LUZP2: variants seen among roughly 807,000 people sequenced by gnomAD.
LUZP2 encodes the protein leucine zipper protein 2.
Under a neutral mutation model 51.6 loss-of-function variants are expected in LUZP2, and 52 were observed. The observed-to-expected ratio is 1.01, with a 90% confidence interval of 0.81 to 1.27. The LOEUF (loss-of-function observed/expected upper bound fraction) is 1.27, where lower values mean the gene tolerates loss of function less well. Ranked by LOEUF, LUZP2 falls within the 50% of genes most tolerant of loss-of-function variation. The pLI, the probability that LUZP2 is intolerant of heterozygous loss-of-function variation, is 0.00. For missense variants in LUZP2, 436 were observed against 395.4 expected (o/e 1.10, Z -0.87); for synonymous variants, 154 against 137.3 (o/e 1.12, Z -0.85).
At chr11:25,077,813 C>T (rs952914292) in intron 11 of LUZP2, among the ~76,000 whole-genome samples, 1 of 152,056 alleles carries the variant, frequency 6.6e-6, no homozygotes, top group Non-Finnish European at 1.5e-5. Flanking sequence ...TGGTATTTAA[C>T]ACTCTTCTCT....
At chr11:24,839,736 G>A (rs867984181) in intron 5 of LUZP2, among the ~76,000 whole-genome samples, 1 of 151,446 alleles carries the variant, frequency 6.6e-6, no homozygotes, top group East Asian at 1.9e-4. Context: ...GAACACTCTC[G>A]GGGTCCATTT....
chr11:24,882,678 G>A (rs1852510334), intron 5 of LUZP2, among the ~76,000 whole-genome samples: 1 of 151,566 alleles, frequency 6.6e-6, no homozygotes, highest in Non-Finnish European at 1.5e-5. Context: ...TAATAAGCAT[G>A]TACCCTTTCA....
At chr11:24,816,631 G>A (rs894246243) in intron 5 of LUZP2, among the ~76,000 whole-genome samples, 2 of 151,964 alleles carry the variant, frequency 1.3e-5, no homozygotes, top group African/African-American at 4.8e-5. Flanking sequence ...TTGTCATTCA[G>A]TAATCTGATA....
At chr11:24,699,291 C>T (rs961081100) in intron 1 of LUZP2, among the ~76,000 whole-genome samples, 1 of 152,100 alleles carries the variant, frequency 6.6e-6, no homozygotes, top group African/African-American at 2.4e-5. Flanking sequence ...ATCCATGTTG[C>T]TTTGATAGGG....
intron 1 of LUZP2, among the ~76,000 whole-genome samples, chr11:24,672,060 A>G (rs1422055643): frequency 1.3e-5 from 2 of 152,116 alleles, no homozygotes; most frequent in Non-Finnish European, 2.9e-5. Context: ...TGTAACTGAG[A>G]GATGTCTCTC....
chr11:24,889,234 T>A (rs1338147072), intron 5 of LUZP2, among the ~76,000 whole-genome samples: 2 of 152,284 alleles, frequency 1.3e-5, no homozygotes, highest in African/African-American at 4.8e-5. Context: ...GACAAAACTA[T>A]GTGATTATGT....
chr11:24,516,837 G>C (rs1289845894), intron 1 of LUZP2, among the ~76,000 whole-genome samples: 1 of 152,146 alleles, frequency 6.6e-6, no homozygotes, highest in African/African-American at 2.4e-5. Context: ...ACAGCTGCCT[G>C]TTTATGTGAC....
At chr11:25,031,916 C>T (rs953051291) in intron 9 of LUZP2, among the ~76,000 whole-genome samples, 10 of 151,988 alleles carry the variant, frequency 6.6e-5, no homozygotes, top group Non-Finnish European at 1.2e-4. Flanking sequence ...CAAAGAACAA[C>T]TAAAATTACC....
At chr11:24,529,010 C>G (rs1028542574) in intron 1 of LUZP2, among the ~76,000 whole-genome samples, 1 of 150,958 alleles carries the variant, frequency 6.6e-6, no homozygotes, top group Admixed American at 6.6e-5. Context: ...TTAGATTTAG[C>G]GCAAAACCTA....
At chr11:24,993,897 G>T (rs1856422517) in intron 9 of LUZP2, among the ~76,000 whole-genome samples, 1 of 152,012 alleles carries the variant, frequency 6.6e-6, no homozygotes, top group African/African-American at 2.4e-5. Flanking sequence ...GTCTCGCTCT[G>T]TTGCCCAGGC....
Position 25,031,482 on chromosome 11 carries a change from C to T in LUZP2, c.766-18556C>T, listed in dbSNP as rs894585011. Among the ~76,000 whole-genome samples, 6 of 152,016 alleles carry T rather than the reference C, an allele frequency of 3.9e-5. No individual in the cohort carries two copies. The East Asian group carries it at 9.6e-4, about 24-fold the overall frequency. ...AAACTTCAGCTGCAAACATTTTATG[C>T]CAAATTTCTCATTCCAAATAGCTTA... On this transcript the variant is annotated intron_variant, in intron 9 of 11. Transcript: ENST00000336930.
intron 9 of LUZP2, among the ~76,000 whole-genome samples, chr11:25,006,665 C>G (rs1856842391): frequency 6.6e-6 from 1 of 152,146 alleles, no homozygotes; most frequent in South Asian, 2.1e-4. Flanking sequence ...CGAAAGGAGT[C>G]CAATGGCACT....
intron 1 of LUZP2, among the ~76,000 whole-genome samples, chr11:24,664,288 C>A (rs1029770215): frequency 6.6e-6 from 1 of 152,064 alleles, no homozygotes; most frequent in African/African-American, 2.4e-5. Flanking sequence ...ATCTTTAGAA[C>A]TTTGAATTTG....
At chr11:24,920,434 C>G (rs1854006050) in intron 7 of LUZP2, among the ~76,000 whole-genome samples, 2 of 151,932 alleles carry the variant, frequency 1.3e-5, no homozygotes, top group African/African-American at 2.4e-5. Flanking sequence ...AGCAATCTCA[C>G]TGTTGGGTAT....
chr11:24,879,685 T>A (rs1852393823), intron 5 of LUZP2, among the ~76,000 whole-genome samples: 1 of 152,228 alleles, frequency 6.6e-6, no homozygotes, highest in Non-Finnish European at 1.5e-5. Flanking sequence ...TTGAGCTTTT[T>A]TTCCATATGT....
At chr11:24,653,361 A>T (rs866415070) in intron 1 of LUZP2, among the ~76,000 whole-genome samples, 1 of 152,192 alleles carries the variant, frequency 6.6e-6, no homozygotes, top group Non-Finnish European at 1.5e-5. Flanking sequence ...GGTAGTTAAA[A>T]GAAGTTTTCA....
chr11:24,953,871 GAGATATTAAAC>G (rs1295649213), intron 7 of LUZP2, among the ~76,000 whole-genome samples: 5 of 152,104 alleles, frequency 3.3e-5, no homozygotes, highest in African/African-American at 9.6e-5. Context: ...GTGAGAGAAT[GAGATATTAAAC>G]AGACAGGTAA....
At chr11:24,844,869 G>A (rs1851149634) in intron 5 of LUZP2, among the ~76,000 whole-genome samples, 1 of 152,182 alleles carries the variant, frequency 6.6e-6, no homozygotes, top group African/African-American at 2.4e-5. Flanking sequence ...TTGGGGTTTG[G>A]GAACCTCTGT....
intron 1 of LUZP2, among the ~76,000 whole-genome samples, chr11:24,632,374 T>C (rs986509014): frequency 6.6e-6 from 1 of 151,990 alleles, no homozygotes; most frequent in African/African-American, 2.4e-5. Context: ...CTAGAGCAAA[T>C]GTCACCTAGA....
Sources: allele counts gnomAD v4.1 joint callset (sites outside exome capture counted in the v4.1 genomes callset), GRCh38; gene constraint gnomAD v4.1.1; transcripts MANE v1.5; gene names NCBI Gene and HGNC (gene_info 2026-07-23, HGNC 2026-07-21).